LRP1B: variants seen among roughly 807,000 people sequenced by gnomAD.
LRP1B encodes LDL receptor related protein 1B, also known as low-density lipoprotein receptor-related protein 1B.
LRP1B carries 217 observed loss-of-function variants against 556.6 expected under a neutral mutation model. The ratio of observed to expected loss-of-function variants is 0.39; its 90% CI spans 0.35 to 0.44. LRP1B has a LOEUF of 0.44. LRP1B is among the 20% of genes least tolerant of loss of function. LRP1B has a pLI of 1.00. For missense variants in LRP1B, 5,053 were observed against 5,620.8 expected (o/e 0.90, Z 3.23); for synonymous variants, 2,047 against 1,865.8 (o/e 1.10, Z -2.50).
intron 31 of LRP1B, among the ~76,000 whole-genome samples, chr2:140,817,932 A>C (rs898130201): frequency 6.6e-6 from 1 of 152,182 alleles, no homozygotes; most frequent in African/African-American, 2.4e-5. Context: ...ATTTTAAAAT[A>C]TTGATCCCAG....
intron 49 of LRP1B, among the ~76,000 whole-genome samples, chr2:140,524,159 G>A (rs1690317524): frequency 6.6e-6 from 1 of 151,794 alleles, no homozygotes; most frequent in Non-Finnish European, 1.5e-5. Flanking sequence ...TTAAAAATGG[G>A]TCGAGTATAG....
intron 2 of LRP1B, among the ~76,000 whole-genome samples, chr2:141,710,537 A>G (rs1294894808): frequency 3.9e-5 from 6 of 152,186 alleles, no homozygotes; most frequent in South Asian, 2.1e-4. Flanking sequence ...ACTCAAGTGC[A>G]TCACCTGTTG....
intron 18 of LRP1B, among the ~76,000 whole-genome samples, chr2:140,963,677 C>T (rs1696106954): frequency 6.6e-6 from 1 of 152,134 alleles, no homozygotes; most frequent in African/African-American, 2.4e-5. Flanking sequence ...CAAAAGCAGG[C>T]TGGGCATTGT....
intron 2 of LRP1B, among the ~76,000 whole-genome samples, chr2:141,732,398 T>C (rs1056834632): frequency 2.0e-5 from 3 of 152,152 alleles, no homozygotes; most frequent in African/African-American, 7.2e-5. Flanking sequence ...TTCTAGTTCA[T>C]TTAACACAGT....
intron 41 of LRP1B, among the ~76,000 whole-genome samples, chr2:140,635,561 C>A (rs1286610139): frequency 6.6e-6 from 1 of 151,818 alleles, no homozygotes; most frequent in Non-Finnish European, 1.5e-5. Flanking sequence ...AGCTGAGGTA[C>A]TTGAACTTCA....
intron 6 of LRP1B, among the ~76,000 whole-genome samples, chr2:141,201,970 T>C (rs1475726615): frequency 6.6e-6 from 1 of 152,208 alleles, no homozygotes. Flanking sequence ...TTTTTCAAGT[T>C]TTAAGTTCAG....
chr2:141,690,523 A>G (rs970617939), intron 2 of LRP1B, among the ~76,000 whole-genome samples: 18 of 147,674 alleles, frequency 1.2e-4, no homozygotes, highest in Non-Finnish European at 1.8e-4. Flanking sequence ...AACCTGGTTC[A>G]TATAGAAGAT....
At chr2:141,929,553 G>T (rs1266843661) in intron 1 of LRP1B, among the ~76,000 whole-genome samples, 1 of 151,776 alleles carries the variant, frequency 6.6e-6, no homozygotes, top group African/African-American at 2.4e-5. Flanking sequence ...TGATTTGTCT[G>T]TTTACTCTTT....
intron 2 of LRP1B, among the ~76,000 whole-genome samples, chr2:141,512,704 G>A (rs1421747394): frequency 6.6e-6 from 1 of 151,980 alleles, no homozygotes; most frequent in Non-Finnish European, 1.5e-5. Context: ...TACACCTGAA[G>A]GTGAGAAAAG....
At chr2:140,688,758 A>T (rs1341263913) in intron 41 of LRP1B, among the ~76,000 whole-genome samples, 8 of 152,162 alleles carry the variant, frequency 5.3e-5, no homozygotes, top group African/African-American at 1.9e-4. Flanking sequence ...CTCATGTGGA[A>T]CCCTGAGACC....
intron 82 of LRP1B, among the ~76,000 whole-genome samples, chr2:140,318,921 TTATTAC>T (rs1684650665): frequency 6.6e-6 from 1 of 152,174 alleles, no homozygotes; most frequent in African/African-American, 2.4e-5. Context: ...ATATTTAGTA[TTATTAC>T]TAATGTCAGT....
chr2:140,490,862 T>G (rs1236858599), intron 57 of LRP1B, among the ~76,000 whole-genome samples: 1 of 152,160 alleles, frequency 6.6e-6, no homozygotes, highest in Non-Finnish European at 1.5e-5. Flanking sequence ...AGATCCTTCA[T>G]GAACGTTTTC....
chr2:140,447,128 T>C (rs1686694122), intron 63 of LRP1B, among the ~76,000 whole-genome samples: 1 of 152,036 alleles, frequency 6.6e-6, no homozygotes, highest in Non-Finnish European at 1.5e-5. Context: ...CTTATACCTG[T>C]TAAGTTAGGC....
At chr2:140,842,367 G>C (rs891273) in intron 29 of LRP1B, among the ~76,000 whole-genome samples, 131,958 of 152,110 alleles carry the variant, frequency 0.87, 57,987 homozygotes, top group East Asian at 1. Flanking sequence ...AGAATCTCAA[G>C]GGAGCCTACC....
At chr2:141,781,624 A>G (rs2105639738) in intron 2 of LRP1B, among the ~76,000 whole-genome samples, 1 of 152,322 alleles carries the variant, frequency 6.6e-6, no homozygotes, top group African/African-American at 2.4e-5. Context: ...TCGGCAGAGG[A>G]GTATGTCATT....
At chr2:141,943,824 T>A (rs1193217321) in intron 1 of LRP1B, among the ~76,000 whole-genome samples, 1 of 152,100 alleles carries the variant, frequency 6.6e-6, no homozygotes, top group Non-Finnish European at 1.5e-5. Flanking sequence ...AAAATCCGGG[T>A]TCTTGTCACA....
chr2:141,453,698 T>C (rs949942327), intron 3 of LRP1B, among the ~76,000 whole-genome samples: 4 of 152,084 alleles, frequency 2.6e-5, no homozygotes, highest in Non-Finnish European at 5.9e-5. Context: ...CAGGTGGATG[T>C]CCTGAGGTCG....
intron 3 of LRP1B, among the ~76,000 whole-genome samples, chr2:141,273,227 T>C (rs1346245381): frequency 6.6e-6 from 1 of 151,916 alleles, no homozygotes; most frequent in Non-Finnish European, 1.5e-5. Context: ...AATAATCACT[T>C]GTACCCAGGA....
rs139697877 is a variant in LRP1B at position 141,143,787 on chromosome 2, C to A, written c.1013+44634G>T. Among the ~76,000 whole-genome samples the A allele has an allele frequency of 2.6e-5, 4 of 152,098 alleles. No individual in the cohort carries two copies. In the East Asian group the frequency reaches 7.8e-4, roughly 30 times the overall value. ...AGTCTTCCCACATTGTCTCATTTCC[C>A]CATGACAGAGGTGACATCAGAATTT... On this transcript the variant is annotated intron_variant, in intron 7 of 90. Transcript: ENST00000389484.
Sources: allele counts gnomAD v4.1 joint callset (sites outside exome capture counted in the v4.1 genomes callset), GRCh38; gene constraint gnomAD v4.1.1; transcripts MANE v1.5; gene names NCBI Gene and HGNC (gene_info 2026-07-23, HGNC 2026-07-21).